SHISA9: variants seen among roughly 807,000 people sequenced by gnomAD.
SHISA9 encodes the protein shisa family member 9.
Under a neutral mutation model 38.0 loss-of-function variants are expected in SHISA9, and 13 were observed. The observed-to-expected ratio is 0.34, with a 90% CI of 0.22 to 0.54. The LOEUF is 0.54. SHISA9 is among the 20% of genes least tolerant of loss of function. The pLI is 0.91. For synonymous variants in SHISA9, 275 were observed against 242.0 expected (o/e 1.14, Z -1.27); for missense variants, 538 against 575.8 (o/e 0.93, Z 0.67).
chr16:13,068,247 G>A (rs1444114645), intron 2 of SHISA9, among the ~76,000 whole-genome samples: 1 of 152,148 alleles, frequency 6.6e-6, no homozygotes, highest in African/African-American at 2.4e-5. Flanking sequence ...CATTGAACAG[G>A]ACTCTTTACC....
In SHISA9 at chr16:13,235,264, C is replaced by A; in HGVS notation, c.1130C>A (p.Ser377Tyr). The A allele has an allele frequency of 6.4e-7, 1 of 1,551,744 alleles. No homozygotes were observed. ...NFKGWDPNEQ[S>Y]LRRQAYSNKG... ...AAGGGCTGGGACCCCAACGAGCAGT[C>A]CCTCCGGCGGCAGGCTTACAGCAAC... The change falls in exon 5 of 5, where the codon TCC becomes TAC. Residue 377 changes from serine (S) to tyrosine (Y), a missense_variant. By Grantham distance (144) the Ser-to-Tyr change is moderately radical (BLOSUM62 -2). This residue lies in a region of SHISA9 where 326 missense variants were observed against 305.9 expected (regional missense o/e 1.07). Coordinates refer to ENST00000558583, the MANE Select transcript of SHISA9 (RefSeq NM_001145204.3).
intron 2 of SHISA9, among the ~76,000 whole-genome samples, chr16:13,002,110 G>A (rs1386828792): frequency 6.6e-6 from 1 of 152,158 alleles, no homozygotes; most frequent in Non-Finnish European, 1.5e-5. Flanking sequence ...ACACTGACCT[G>A]ACTTACAGCA....
intron 2 of SHISA9, among the ~76,000 whole-genome samples, chr16:13,080,704 C>T (rs1412863012): frequency 6.6e-6 from 1 of 152,124 alleles, no homozygotes; most frequent in East Asian, 1.9e-4. Context: ...TGATTAATGC[C>T]CAACTTTTGC....
intron 2 of SHISA9, among the ~76,000 whole-genome samples, chr16:12,993,189 ATATAAAAG>A (rs1432352819): frequency 3.3e-5 from 5 of 151,894 alleles, no homozygotes. Context: ...CTACCCTCAT[ATATAAAAG>A]GTTCAGATTT....
the SHISA9 span, among the ~76,000 whole-genome samples, chr16:13,402,170 G>T: frequency 6.6e-6 from 1 of 151,878 alleles, no homozygotes; most frequent in Admixed American, 6.6e-5. Flanking sequence ...ATGGGAATTG[G>T]CTCACGTGAT....
chr16:13,131,991 T>C (rs910292492), intron 2 of SHISA9, among the ~76,000 whole-genome samples: 11 of 152,248 alleles, frequency 7.2e-5, no homozygotes, highest in Non-Finnish European at 1.2e-4. Context: ...GACAGCTTTT[T>C]TCCTGCAAAA....
chr16:12,966,975 C>A (rs1192241596), intron 2 of SHISA9, among the ~76,000 whole-genome samples: 1 of 152,168 alleles, frequency 6.6e-6, no homozygotes, highest in Non-Finnish European at 1.5e-5. Context: ...TTGTGATGAT[C>A]TCTGGGGAGG....
chr16:13,124,056 G>A (rs1013986614), intron 2 of SHISA9, among the ~76,000 whole-genome samples: 1 of 152,204 alleles, frequency 6.6e-6, no homozygotes, highest in African/African-American at 2.4e-5. Context: ...CTAACCGGAA[G>A]ACACTTAGCC....
chr16:13,101,344 C>T (rs191194334), intron 2 of SHISA9, among the ~76,000 whole-genome samples: 363 of 152,258 alleles, frequency 2.4e-3, no homozygotes, highest in Non-Finnish European at 4.1e-3. Context: ...GATTATGTCA[C>T]AATGAATATA....
chr16:13,038,088 C>T (rs930483497), intron 2 of SHISA9, among the ~76,000 whole-genome samples: 19 of 152,188 alleles, frequency 1.2e-4, no homozygotes, highest in Non-Finnish European at 2.5e-4. Flanking sequence ...CTCCCGAGTT[C>T]AAGCGATTCT....
intron 2 of SHISA9, among the ~76,000 whole-genome samples, chr16:13,165,612 G>A (rs895461423): frequency 6.6e-6 from 1 of 152,186 alleles, no homozygotes; most frequent in African/African-American, 2.4e-5. Flanking sequence ...TGAGATGGAT[G>A]CAGATTCCTC....
At chr16:13,069,935 C>T (rs1003845049) in intron 2 of SHISA9, among the ~76,000 whole-genome samples, 4 of 152,136 alleles carry the variant, frequency 2.6e-5, no homozygotes, top group African/African-American at 9.7e-5. Flanking sequence ...GCACTTTAAT[C>T]TTGGTCTTCC....
At chr16:13,114,059 G>A (rs1413620664) in intron 2 of SHISA9, among the ~76,000 whole-genome samples, 1 of 152,142 alleles carries the variant, frequency 6.6e-6, no homozygotes, top group Non-Finnish European at 1.5e-5. Context: ...ATAAATGACT[G>A]TTGATCTAAG....
chr16:13,399,554 C>T, the SHISA9 span, among the ~76,000 whole-genome samples: 2 of 152,192 alleles, frequency 1.3e-5, no homozygotes, highest in African/African-American at 4.8e-5. Context: ...GTTCTCGTCA[C>T]CCCTTCTAGC....
chr16:13,275,633 A>G, the SHISA9 span, among the ~76,000 whole-genome samples: 3 of 151,874 alleles, frequency 2.0e-5, no homozygotes, highest in Non-Finnish European at 4.4e-5. Flanking sequence ...CCTCTTCTCT[A>G]TTTTCTGAAA....
intron 4 of SHISA9, 55 bp from the exon 5 acceptor site, chr16:13,234,975 T>C: frequency 6.7e-7 from 1 of 1,484,494 alleles, no homozygotes; most frequent in Admixed American, 2.3e-5. Context: ...TCTCTCTCTC[T>C]CTCTCTCTCT....
At chr16:12,954,372 G>A (rs2141780704) in intron 2 of SHISA9, among the ~76,000 whole-genome samples, 1 of 152,280 alleles carries the variant, frequency 6.6e-6, no homozygotes, top group South Asian at 2.1e-4. Context: ...GAGGGCCATG[G>A]GGAACCACTG....
the SHISA9 span, among the ~76,000 whole-genome samples, chr16:13,544,231 T>C: frequency 6.7e-6 from 1 of 148,818 alleles, no homozygotes; most frequent in Non-Finnish European, 1.5e-5. Context: ...ATATATCTTA[T>C]CTATATATCT....
At chr16:13,491,952 C>T in the SHISA9 span, among the ~76,000 whole-genome samples, 1 of 142,394 alleles carries the variant, frequency 7.0e-6, no homozygotes, top group Non-Finnish European at 1.5e-5. Context: ...ACTGAGATAA[C>T]AAGCATGAGC....
Sources: allele counts gnomAD v4.1 joint callset (sites outside exome capture counted in the v4.1 genomes callset), GRCh38; gene constraint gnomAD v4.1.1; regional missense constraint gnomAD v4.1.1; transcripts MANE v1.5; gene names NCBI Gene and HGNC (gene_info 2026-07-23, HGNC 2026-07-21).